The following TRDN variants were observed in gnomAD, a reference collection of about 807,000 sequenced individuals.
TRDN encodes the protein triadin, also known as triadin in skeletal muscle.
In TRDN, 161 loss-of-function variants were observed where a neutral mutation model predicts 149.7. That is an observed-to-expected ratio of 1.08 (90% CI 0.95 to 1.23). The LOEUF is 1.23. Among genes scored for constraint, TRDN ranks in the 50% most tolerant of loss-of-function variants. The pLI, the probability that TRDN is intolerant of heterozygous loss-of-function variation, is 0.00. For synonymous variants in TRDN, 294 were observed against 250.5 expected, an observed-to-expected ratio of 1.17 and a Z score of -1.64; for missense variants, 896 against 823.5, an observed-to-expected ratio of 1.09 and a Z score of -1.08.
Position 123,224,137 on chromosome 6 carries a change from G to T in TRDN, c.1976-6C>A, listed in dbSNP as rs368752139. On this transcript the variant is annotated splice_polypyrimidine_tract_variant and splice_region_variant and intron_variant, in intron 38 of 40. Coordinates refer to ENST00000334268, the MANE Select transcript of TRDN (RefSeq NM_006073.4). ...TGGTACATCTTCAACATCTTCTAGA[G>T]TACAGAAAAAAGGCACATAGAATCA... 1 of 1,609,746 alleles carries T rather than the reference G, an allele frequency of 6.2e-7. No homozygotes were observed.
At chr6:123,402,132 T>C (rs1315809199) in intron 12 of TRDN, among the ~76,000 whole-genome samples, 1 of 152,298 alleles carries the variant, frequency 6.6e-6, no homozygotes, top group Non-Finnish European at 1.5e-5. Flanking sequence ...CAGAAGGCCA[T>C]TGGCCTGAGG....
At chr6:123,328,978 T>C (rs960115180) in intron 23 of TRDN, among the ~76,000 whole-genome samples, 5 of 152,178 alleles carry the variant, frequency 3.3e-5, no homozygotes, top group Admixed American at 6.5e-5. Flanking sequence ...TGATTGCATA[T>C]GGTTACGGCT....
intron 9 of TRDN, among the ~76,000 whole-genome samples, chr6:123,466,932 T>C (rs1018355148): frequency 6.6e-6 from 1 of 152,032 alleles, no homozygotes; most frequent in African/African-American, 2.4e-5. Context: ...TAGTCTTGAG[T>C]TATTGAGGAA....
At chr6:123,438,030 A>C (rs766887567) in intron 12 of TRDN, 33 bp downstream of exon 12, 1 of 1,552,620 alleles carries the variant, frequency 6.4e-7, no homozygotes. Context: ...TCCTGAACGT[A>C]ATCCATCTAA....
chr6:123,254,327 C>A (rs1776477621), intron 37 of TRDN, among the ~76,000 whole-genome samples: 1 of 151,846 alleles, frequency 6.6e-6, no homozygotes, highest in South Asian at 2.1e-4. Context: ...AAAGGTATGT[C>A]TAGATATGTC....
chr6:123,516,888 A>T (rs9375261), intron 5 of TRDN, among the ~76,000 whole-genome samples: 1 of 151,914 alleles, frequency 6.6e-6, no homozygotes, highest in Non-Finnish European at 1.5e-5. Context: ...TTTCCTTTTC[A>T]TTCATTCACC....
At chr6:123,522,658 C>T (rs1779747085) in intron 5 of TRDN, among the ~76,000 whole-genome samples, 1 of 151,532 alleles carries the variant, frequency 6.6e-6, no homozygotes, top group Admixed American at 6.6e-5. Context: ...TGTTTGTTGC[C>T]ACTAACCACA....
At chr6:123,626,160 G>C (rs1331351946) in intron 1 of TRDN, among the ~76,000 whole-genome samples, 1 of 152,072 alleles carries the variant, frequency 6.6e-6, no homozygotes, top group Non-Finnish European at 1.5e-5. Flanking sequence ...TCCATCTCAA[G>C]AAACCACTCT....
rs565719327 is a variant in TRDN, at chr6:123,598,305, T to C, written c.23-27173A>G. On this transcript the variant is annotated intron_variant, in intron 1 of 40. Coordinates refer to ENST00000334268, the MANE Select transcript of TRDN (RefSeq NM_006073.4). ...CCCTATAGCAAAATCCTAAGTGCAATAGACACGCTATCGTGAGGTTGAAGC... is the reference window on the plus strand; with the variant it reads ...CCCTATAGCAAAATCCTAAGTGCAACAGACACGCTATCGTGAGGTTGAAGC... Among the ~76,000 whole-genome samples, 7 of 152,194 alleles carry C rather than the reference T, an allele frequency of 4.6e-5. No homozygotes were observed. In the South Asian group the frequency reaches 1.2e-3, roughly 27 times the overall value.
chr6:123,450,407 C>T (rs6569345), intron 10 of TRDN, among the ~76,000 whole-genome samples: 81,760 of 151,844 alleles, frequency 0.54, 22,340 homozygotes, highest in East Asian at 0.76. Context: ...TTCATGCAAA[C>T]AGACACCAAA....
At chr6:123,514,157 G>A (rs566875260) in intron 6 of TRDN, among the ~76,000 whole-genome samples, 1 of 152,212 alleles carries the variant, frequency 6.6e-6, no homozygotes, top group African/African-American at 2.4e-5. Flanking sequence ...TTGAGTTCAG[G>A]AGTATGAGAC....
intron 12 of TRDN, among the ~76,000 whole-genome samples, chr6:123,409,804 G>A (rs1773359770): frequency 1.3e-5 from 2 of 152,000 alleles, no homozygotes; most frequent in African/African-American, 4.8e-5. Flanking sequence ...GAAATTCATT[G>A]AAACAAGACA....
At chr6:123,584,901 T>C (rs1179442375) in intron 1 of TRDN, among the ~76,000 whole-genome samples, 4 of 152,136 alleles carry the variant, frequency 2.6e-5, no homozygotes, top group Admixed American at 6.5e-5. Context: ...CTGAACTAAC[T>C]TGTAAGGCTT....
chr6:123,622,558 A>C (rs1264225986), intron 1 of TRDN, among the ~76,000 whole-genome samples: 1 of 152,136 alleles, frequency 6.6e-6, no homozygotes, highest in Non-Finnish European at 1.5e-5. Flanking sequence ...TCTGTATTTT[A>C]CTAAAATGAA....
chr6:123,280,005 G>C (rs1241201203), intron 24 of TRDN, among the ~76,000 whole-genome samples: 2 of 152,140 alleles, frequency 1.3e-5, no homozygotes, highest in Non-Finnish European at 2.9e-5. Flanking sequence ...ACAAAGAACA[G>C]TGATACTTTA....
chr6:123,564,150 C>T (rs1012614218), intron 2 of TRDN, among the ~76,000 whole-genome samples: 2 of 152,056 alleles, frequency 1.3e-5, no homozygotes, highest in Non-Finnish European at 2.9e-5. Context: ...TCTTTGCTTC[C>T]TTCAGGTACT....
rs58111898 is a variant in TRDN at position 123,547,298 on chromosome 6, A to C, written c.424+42T>G. ...AACCATGCTGAAAACCAATATTACC[A>C]TAAGAGAAAAATAATTATTATCAAA... On this transcript the variant is annotated intron_variant, in intron 4 of 40. Transcript: ENST00000334268. 2.5e-3 allele frequency: 3,202 copies of C among 1,269,420 alleles called. 69 individuals are homozygous for C. In the African/African-American group the frequency reaches 0.044, roughly 17 times the overall value. The allele number at this position is 1,269,420 out of a possible 1,614,324, so 78.6% of individuals were successfully genotyped here. A position where few individuals can be genotyped will look rare whatever the true frequency, so the allele number is the denominator to read the frequency against.
chr6:123,286,407 T>C (rs1371256357), intron 24 of TRDN, among the ~76,000 whole-genome samples: 1 of 152,114 alleles, frequency 6.6e-6, no homozygotes, highest in Admixed American at 6.6e-5. Flanking sequence ...ACTATTATTC[T>C]AAATGAAGTA....
chr6:123,608,003 C>T (rs1469863090), intron 1 of TRDN, among the ~76,000 whole-genome samples: 1 of 151,912 alleles, frequency 6.6e-6, no homozygotes, highest in Non-Finnish European at 1.5e-5. Context: ...CTTATACTTT[C>T]AAAATAGCTT....
Sources: allele counts gnomAD v4.1 joint callset (sites outside exome capture counted in the v4.1 genomes callset), GRCh38; gene constraint gnomAD v4.1.1; transcripts MANE v1.5; gene names NCBI Gene and HGNC (gene_info 2026-07-23, HGNC 2026-07-21).